Variants in PARM1 observed in about 807,000 individuals in gnomAD.
PARM1 encodes the protein WSC4, cell wall integrity and stress response component 4 homolog.
PARM1 carries 14 observed loss-of-function variants against 24.6 expected under a neutral mutation model. The ratio of observed to expected loss-of-function variants is 0.57; its 90% CI spans 0.38 to 0.89. PARM1 has a LOEUF of 0.89. Ranked by LOEUF, PARM1 falls within the 40% of genes least tolerant of loss-of-function variation. The pLI is 0.00. For synonymous variants in PARM1, 179 were observed against 156.6 expected, an observed-to-expected ratio of 1.14 and a Z score of -1.07; for missense variants, 362 against 380.4, an observed-to-expected ratio of 0.95 and a Z score of 0.40.
intron 1 of PARM1, among the ~76,000 whole-genome samples, chr4:74,946,936 C>T (rs940703936): frequency 9.2e-5 from 14 of 152,052 alleles, no homozygotes; most frequent in South Asian, 6.2e-4. Flanking sequence ...TCTAAGCCTG[C>T]GTTTATTTTG....
At position 75,012,978 on chromosome 4, in the gene PARM1, G is replaced by A; in HGVS notation, c.597G>A (p.Glu199=). The A allele has an allele frequency of 1.2e-6, 2 of 1,613,940 alleles. No homozygotes were observed. The highest frequency in any genetic ancestry group is 1.3e-5 in the African/African-American group (1 of 75,022). ...CTGCACCAGAGTCCCCGACAGAGGAGTCCAGCTCTGACCACACACCCACTT... is the reference window on the plus strand; with the variant it reads ...CTGCACCAGAGTCCCCGACAGAGGAATCCAGCTCTGACCACACACCCACTT... ...APTAPESPTE[E]SSSDHTPTSH... is the part of the protein sequence containing the mutation. The change falls in exon 2 of 4, where the codon GAG becomes GAA. Residue 199 remains glutamate (E), a synonymous_variant. Coordinates refer to ENST00000307428, the MANE Select transcript of PARM1 (RefSeq NM_015393.4).
chr4:75,032,251 A>C (rs1457181691), intron 2 of PARM1, among the ~76,000 whole-genome samples: 1 of 152,174 alleles, frequency 6.6e-6, no homozygotes, highest in African/African-American at 2.4e-5. Flanking sequence ...TCTTAGTCTT[A>C]ATGTTAGCAA....
chr4:74,981,683 T>A (rs1722258861), intron 1 of PARM1, among the ~76,000 whole-genome samples: 1 of 152,078 alleles, frequency 6.6e-6, no homozygotes, highest in Admixed American at 6.6e-5. Context: ...AAGACCAGCC[T>A]GGCCAAGATG....
At position 75,036,169 on chromosome 4, in the gene PARM1, C is replaced by T. The variant is rs562822484; in HGVS notation, c.848+2208C>T. 8.0e-4 allele frequency among the ~76,000 whole-genome samples: 122 copies of T among 152,306 alleles called. 1 individual carries two copies. Among genetic ancestry groups the T allele is most frequent in the African/African-American group, 2.8e-3 (116 of 41,550 alleles). Reference sequence around the variant, plus strand: ...CTAAGAGGCTACATTATCAAAAATACGACCTTCACTGAAGTGTGGAGTGAA... The same window carrying T: ...CTAAGAGGCTACATTATCAAAAATATGACCTTCACTGAAGTGTGGAGTGAA... On this transcript the variant is annotated intron_variant, in intron 3 of 3. Transcript: ENST00000307428.
intron 1 of PARM1, among the ~76,000 whole-genome samples, chr4:74,973,588 A>G (rs1242494131): frequency 6.6e-6 from 1 of 152,066 alleles, no homozygotes. Context: ...AGGCAGTACA[A>G]ATTGAATACA....
At chr4:74,966,071 A>T (rs961693938) in intron 1 of PARM1, among the ~76,000 whole-genome samples, 1 of 152,182 alleles carries the variant, frequency 6.6e-6, no homozygotes, top group Admixed American at 6.5e-5. Context: ...ATAAATCTAA[A>T]TTCATTCCAA....
At chr4:75,011,762 CA>C (rs1220324956) in intron 1 of PARM1, among the ~76,000 whole-genome samples, 1 of 152,198 alleles carries the variant, frequency 6.6e-6, no homozygotes, top group Non-Finnish European at 1.5e-5. Flanking sequence ...AAAATATTTC[CA>C]AACCTCAGAT....
chr4:74,974,897 T>A (rs1722110837), intron 1 of PARM1, among the ~76,000 whole-genome samples: 1 of 152,082 alleles, frequency 6.6e-6, no homozygotes, highest in African/African-American at 2.4e-5. Flanking sequence ...CAAAAGGTGG[T>A]CATTAGCAAC....
At chr4:75,015,769 G>T (rs1722973354) in intron 2 of PARM1, among the ~76,000 whole-genome samples, 1 of 152,138 alleles carries the variant, frequency 6.6e-6, no homozygotes, top group Non-Finnish European at 1.5e-5. Flanking sequence ...TGGCCCAGTG[G>T]CAGCATTGGG....
intron 2 of PARM1, among the ~76,000 whole-genome samples, chr4:75,033,370 G>T (rs1197685117): frequency 6.6e-6 from 1 of 152,114 alleles, no homozygotes; most frequent in Non-Finnish European, 1.5e-5. Context: ...CGACCCTTTT[G>T]AAGTGGATAC....
chr4:74,965,115 C>T (rs1376730383), intron 1 of PARM1: 3 of 152,334 alleles, frequency 2.0e-5, no homozygotes, highest in Admixed American at 6.5e-5. Context: ...TTGCTTCAAC[C>T]TTCCAGTTCA....
intron 1 of PARM1, among the ~76,000 whole-genome samples, chr4:74,959,923 G>T (rs1327281094): frequency 1.3e-5 from 2 of 152,242 alleles, no homozygotes; most frequent in African/African-American, 2.4e-5. Context: ...GAATCTGTCT[G>T]GTCTATTTTG....
intron 1 of PARM1, among the ~76,000 whole-genome samples, chr4:74,954,798 C>T (rs1441795454): frequency 6.6e-6 from 1 of 152,162 alleles, no homozygotes; most frequent in African/African-American, 2.4e-5. Context: ...ATTGTTTATG[C>T]ATTTTCTTGA....
intron 1 of PARM1, among the ~76,000 whole-genome samples, chr4:75,006,958 T>A (rs189305715): frequency 8.4e-4 from 128 of 151,946 alleles, no homozygotes; most frequent in Non-Finnish European, 1.4e-3. Context: ...TGGGAGAAAA[T>A]TTTTGCGATC....
rs62314890 is a variant in PARM1 at position 75,021,819 on chromosome 4, G to A, written c.769+8669G>A. 1.2e-3 allele frequency among the ~76,000 whole-genome samples: 174 copies of A among 149,770 alleles called. 1 individual carries two copies. The highest frequency in any genetic ancestry group is 4.2e-3 in the African/African-American group (164 of 39,134). On this transcript the variant is annotated intron_variant, in intron 2 of 3. Coordinates refer to ENST00000307428, the MANE Select transcript of PARM1 (RefSeq NM_015393.4). ...TCCTTTTATGGCTGAATAGTATTCC[G>A]TAGTGTATATATACCACATTTTCTT...
In PARM1 at chr4:75,011,469, T is replaced by C. The variant is rs551339140; in HGVS notation, c.44-956T>C. On this transcript the variant is annotated intron_variant, in intron 1 of 3. Transcript: ENST00000307428. ...TGCAAATGACTGGGGGAAATACTAG[T>C]CAGGGAATGACAAGGGGGTATGGGG... is the stretch of plus-strand genomic sequence containing the variant. Among the ~76,000 whole-genome samples, 4 of 151,770 alleles carry C rather than the reference T, an allele frequency of 2.6e-5. No individual in the cohort carries two copies. In the East Asian group the frequency reaches 5.8e-4, roughly 22 times the overall value.
At chr4:75,045,088 AGG>A (rs1723575162) in intron 3 of PARM1, among the ~76,000 whole-genome samples, 1 of 152,208 alleles carries the variant, frequency 6.6e-6, no homozygotes, top group African/African-American at 2.4e-5. Flanking sequence ...CTCACTGAGA[AGG>A]TGACATTTGA....
intron 1 of PARM1, among the ~76,000 whole-genome samples, chr4:74,991,453 A>T (rs962444017): frequency 1.3e-5 from 2 of 152,166 alleles, no homozygotes; most frequent in Non-Finnish European, 2.9e-5. Flanking sequence ...TGAGAGGCAC[A>T]GTTGAGAATG....
At chr4:74,960,380 A>G (rs901503063) in intron 1 of PARM1, among the ~76,000 whole-genome samples, 1 of 152,090 alleles carries the variant, frequency 6.6e-6, no homozygotes, top group Non-Finnish European at 1.5e-5. Context: ...AAAAACAACC[A>G]CATATATGGG....
Sources: gnomAD v4.1 joint callset for allele counts (sites outside exome capture counted in the v4.1 genomes callset) on GRCh38, gnomAD v4.1.1 for gene constraint, MANE v1.5 for transcripts, NCBI Gene and HGNC (gene_info 2026-07-23, HGNC 2026-07-21) for gene names.